NIPBL: variants seen among roughly 807,000 people sequenced by gnomAD.
NIPBL encodes the protein nipped-B-like protein.
Under a neutral mutation model 321.8 loss-of-function variants are expected in NIPBL, and 19 were observed. The ratio of observed to expected loss-of-function variants is 0.06; its 90% CI spans 0.04 to 0.09. NIPBL has a LOEUF of 0.09. Ranked by LOEUF, NIPBL falls within the 10% of genes least tolerant of loss-of-function variation. The pLI, the probability that NIPBL is intolerant of heterozygous loss-of-function variation, is 1.00. For synonymous variants in NIPBL, 1,106 were observed against 1,114.1 expected (o/e 0.99, Z 0.14); for missense variants, 2,210 against 3,327.0 (o/e 0.66, Z 8.26).
chr5:36,967,593 T>C (rs1742347619), intron 6 of NIPBL, among the ~76,000 whole-genome samples: 1 of 152,058 alleles, frequency 6.6e-6, no homozygotes, highest in Non-Finnish European at 1.5e-5. Context: ...GAAAGGAAAA[T>C]TATAAATCAG....
intron 21 of NIPBL, among the ~76,000 whole-genome samples, chr5:37,011,449 G>A (rs1225127589): frequency 1.3e-5 from 2 of 152,138 alleles, no homozygotes; most frequent in Non-Finnish European, 2.9e-5. Context: ...CAGCTACTCA[G>A]GAGGCTGAAA....
intron 10 of NIPBL, among the ~76,000 whole-genome samples, chr5:36,988,014 C>G (rs778151848): frequency 2.0e-5 from 3 of 151,992 alleles, no homozygotes; most frequent in Admixed American, 1.3e-4. Context: ...AAGTGGTACC[C>G]TCTTGTTCCT....
rs1187325987 is a variant in NIPBL at position 37,064,616 on chromosome 5, T to C, written c.8139T>C (p.Ile2713=). The change falls in exon 47 of 47, where the codon ATT becomes ATC. Residue 2713 remains isoleucine (I), a synonymous_variant. Coordinates refer to ENST00000282516, the MANE Select transcript of NIPBL (RefSeq NM_133433.4). ...TTGACGTCATGGATGTCATCGCTAT[T>C]TGCTGTCCAAAGTACAAAGATCGAC... ...ESVDVMDVIA[I]CCPKYKDRPQ... The C allele has an allele frequency of 2.9e-5, 46 of 1,614,008 alleles. No individual in the cohort carries two copies. The highest frequency in any genetic ancestry group is 3.6e-5 in the Non-Finnish European group (42 of 1,180,036).
chr5:36,903,412 G>A (rs1335769191), intron 1 of NIPBL, among the ~76,000 whole-genome samples: 1 of 152,130 alleles, frequency 6.6e-6, no homozygotes, highest in Non-Finnish European at 1.5e-5. Context: ...GTTTGCTATA[G>A]ATGGCTCTTA....
In NIPBL at chr5:37,006,209, G is replaced by GTATT; in HGVS notation, c.3856-146_3856-143dup. ...ACAAATCGTGCTCAAAGTAGTATCA[G>GTATT]TATTTGTACCTCATTCTGGATATTC... On this transcript the variant is annotated intron_variant, in intron 16 of 46. Coordinates refer to ENST00000282516, the MANE Select transcript of NIPBL (RefSeq NM_133433.4). The GTATT allele has an allele frequency of 6.2e-6, 4 of 646,808 alleles. 1 individual carries two copies. In the South Asian group the frequency reaches 7.3e-5, roughly 12 times the overall value. The allele number at this position is 646,808 out of a possible 1,614,324, so 40.1% of individuals were successfully genotyped here. A position where few individuals can be genotyped will look rare whatever the true frequency, so the allele number is the denominator to read the frequency against.
At chr5:37,028,706 T>C (rs865819185) in intron 32 of NIPBL, among the ~76,000 whole-genome samples, 2 of 152,232 alleles carry the variant, frequency 1.3e-5, no homozygotes, top group African/African-American at 4.8e-5. Context: ...AGCATCTATC[T>C]ATCTGTAGCA....
Position 37,052,461 on chromosome 5 carries a change from G to C in NIPBL, c.7158G>C (p.Glu2386Asp). The C allele has an allele frequency of 1.9e-6, 3 of 1,614,102 alleles. No homozygotes were observed. The highest frequency in any genetic ancestry group is 1.3e-5 in the African/African-American group (1 of 75,022). Reference sequence around the variant, plus strand: ...CTGTAAGGGGTTTCAGACAAGACGAGTCCTCTAGCGCTTTGTGTTCACACC... The same window carrying C: ...CTGTAAGGGGTTTCAGACAAGACGACTCCTCTAGCGCTTTGTGTTCACACC... ...KDPVRGFRQD[E>D]SSSALCSHLY... The change falls in exon 42 of 47, where the codon GAG becomes GAC. Residue 2386 changes from glutamate to aspartate, a missense_variant. Around this residue, in one of 14 missense-constraint regions of NIPBL, gnomAD observed 112 missense variants for 288.3 expected, o/e 0.39. Coordinates refer to ENST00000282516, the MANE Select transcript of NIPBL (RefSeq NM_133433.4).
Position 37,060,913 on chromosome 5 carries a change from A to G in NIPBL, c.7755A>G (p.Gly2585=). 2 of 1,614,064 alleles carry G rather than the reference A, an allele frequency of 1.2e-6. No individual in the cohort carries two copies. Among genetic ancestry groups the G allele is most frequent in the Non-Finnish European group, 1.7e-6 (2 of 1,179,908 alleles). The change falls in exon 45 of 47, where the codon GGA becomes GGG. Residue 2585 remains glycine, a synonymous_variant. Transcript: ENST00000282516. Reference sequence around the variant, plus strand: ...ATAAAGCGATAAACCGAAAAACAGGAGTTCATTTTCATCCAAAACAAACAC... The same window carrying G: ...ATAAAGCGATAAACCGAAAAACAGGGGTTCATTTTCATCCAAAACAAACAC... ...VYDKAINRKT[G]VHFHPKQTLD...
chr5:36,998,574 G>A (rs1278483534), intron 11 of NIPBL, among the ~76,000 whole-genome samples: 1 of 152,106 alleles, frequency 6.6e-6, no homozygotes, highest in Admixed American at 6.6e-5. Context: ...CACTTTGGGA[G>A]GCCGAGGTGG....
Position 37,020,583 on chromosome 5 carries a change from C to A in NIPBL, c.5135C>A (p.Thr1712Lys). Residue 1712 changes from threonine (T) to lysine (K), a missense_variant, in exon 26 of 47, where the codon ACA becomes AAA. Thr to Lys is a moderately conservative substitution (Grantham distance 78). This residue lies in a region of NIPBL where 138 missense variants were observed against 175.8 expected (regional missense o/e 0.79). Transcript: ENST00000282516. Reference protein sequence around the residue: ...EGTHHAKEIETTGQIMHRAEN... With the variant: ...EGTHHAKEIEKTGQIMHRAEN... Reference sequence around the variant, plus strand: ...ACACATCATGCAAAGGAAATTGAGACAACTGGCCAAATTATGCATCGAGCT... The same window carrying A: ...ACACATCATGCAAAGGAAATTGAGAAAACTGGCCAAATTATGCATCGAGCT... 6.2e-7 allele frequency: 1 copy of A among 1,614,018 alleles called. No individual in the cohort carries two copies. Among genetic ancestry groups the A allele is most frequent in the Non-Finnish European group, 8.5e-7 (1 of 1,179,968 alleles).
intron 32 of NIPBL, among the ~76,000 whole-genome samples, chr5:37,030,032 A>G (rs1311114566): frequency 6.6e-6 from 1 of 152,246 alleles, no homozygotes; most frequent in African/African-American, 2.4e-5. Context: ...GTTATTATAA[A>G]TGATCAAGTA....
In NIPBL at chr5:37,033,406, C is replaced by T. The variant is rs115724268; in HGVS notation, c.5863-2973C>T. Among the ~76,000 whole-genome samples the T allele has an allele frequency of 7.9e-3, 1,194 of 151,582 alleles. 22 individuals carry two copies. Among genetic ancestry groups the T allele is most frequent in the African/African-American group, 0.027 (1,134 of 41,348 alleles). On this transcript the variant is annotated intron_variant, in intron 32 of 46. Transcript: ENST00000282516. ...AAGAGCAGTAATAAGTAGATTAGTA[C>T]GAAATAGAACAATGGAACAGGATAG... is the stretch of plus-strand genomic sequence containing the variant.
intron 45 of NIPBL, among the ~76,000 whole-genome samples, chr5:37,063,103 C>G (rs1424008070): frequency 6.6e-6 from 1 of 152,004 alleles, no homozygotes; most frequent in African/African-American, 2.4e-5. Context: ...CTTTGGGAGG[C>G]TGAGGTGGGC....
At chr5:36,889,528 T>G (rs557445875) in intron 1 of NIPBL, among the ~76,000 whole-genome samples, 10 of 152,294 alleles carry the variant, frequency 6.6e-5, no homozygotes, top group African/African-American at 1.9e-4. Flanking sequence ...CTGTCCTCCG[T>G]ATTCATATGA....
chr5:36,952,611 A>T (rs910787636), intron 1 of NIPBL, among the ~76,000 whole-genome samples: 1 of 152,224 alleles, frequency 6.6e-6, no homozygotes, highest in Non-Finnish European at 1.5e-5. Context: ...CAAAGTGTTC[A>T]GTTTTACAGA....
At position 36,958,309 on chromosome 5, in the gene NIPBL, C is replaced by T. The variant is rs990745997; in HGVS notation, c.358+78C>T. On this transcript the variant is annotated intron_variant, in intron 4 of 46. Transcript: ENST00000282516. ...AAATCCAGGTGTCTTCTTTAACAAG[C>T]TGGCCTATCAGGAATGCGATGTTTA... 8 of 1,462,786 alleles carry T rather than the reference C, an allele frequency of 5.5e-6. No individual in the cohort carries two copies. The Admixed American group carries it at 6.8e-5, about 13-fold the overall frequency. 90.6% of individuals were successfully genotyped at this position (1,462,786 alleles called of 1,614,324 possible). A position where few individuals can be genotyped will look rare whatever the true frequency, so the allele number is the denominator to read the frequency against.
chr5:37,010,660 G>A (rs1418177241), intron 21 of NIPBL, among the ~76,000 whole-genome samples: 2 of 152,104 alleles, frequency 1.3e-5, no homozygotes, highest in Non-Finnish European at 1.5e-5. Flanking sequence ...TCCTTTTAGA[G>A]CACTAGACAT....
At chr5:37,053,994 G>A (rs912931835) in intron 42 of NIPBL, among the ~76,000 whole-genome samples, 1 of 151,984 alleles carries the variant, frequency 6.6e-6, no homozygotes, top group Non-Finnish European at 1.5e-5. Flanking sequence ...TCAGGAGTTC[G>A]AGACCAGCCT....
At chr5:36,989,863 A>T (rs59791913) in intron 10 of NIPBL, among the ~76,000 whole-genome samples, 2 of 149,464 alleles carry the variant, frequency 1.3e-5, no homozygotes, top group Admixed American at 6.7e-5. Flanking sequence ...AAAAAAAAAA[A>T]TTGGCATAAT....
Sources: allele counts gnomAD v4.1 joint callset (sites outside exome capture counted in the v4.1 genomes callset), GRCh38; gene constraint gnomAD v4.1.1; regional missense constraint gnomAD v4.1.1; transcripts MANE v1.5; gene names NCBI Gene and HGNC (gene_info 2026-07-23, HGNC 2026-07-21).